Variants in WDR81 observed in about 807,000 individuals in gnomAD.
WDR81 encodes WD repeat-containing protein 81.
Under a neutral mutation model 140.8 loss-of-function variants are expected in WDR81, and 92 were observed. That is an observed-to-expected ratio of 0.65 (90% confidence interval 0.55 to 0.78). WDR81 has a LOEUF of 0.78. WDR81 is among the 30% of genes least tolerant of loss of function. The pLI is 0.00. For synonymous variants in WDR81, 1,183 were observed against 1,156.4 expected, an observed-to-expected ratio of 1.02 and a Z score of -0.47; for missense variants, 2,502 against 2,636.4, an observed-to-expected ratio of 0.95 and a Z score of 1.12.
chr17:1,734,107 C>T lies in WDR81; in HGVS notation c.5070C>T (p.Arg1690=), dbSNP rs1597302695. ...ACGGGACCAGCGAGACGGCCCCACGCCTCGTCTACACCCAGCACCGCAAGA... is the reference window on the plus strand; with the variant it reads ...ACGGGACCAGCGAGACGGCCCCACGTCTCGTCTACACCCAGCACCGCAAGA... ...YGDGTSETAP[R]LVYTQHRKSV... The change falls in exon 7 of 10, where the codon CGC becomes CGT. Residue 1690 remains arginine (R), a synonymous_variant. Transcript: ENST00000409644. 2 of 1,596,494 alleles carry T rather than the reference C, an allele frequency of 1.3e-6. No individual in the cohort carries two copies. Among genetic ancestry groups the T allele is most frequent in the African/African-American group, 1.3e-5 (1 of 74,412 alleles).
chr17:1,737,865 C>T lies in WDR81; in HGVS notation c.*180C>T. On this transcript the variant is annotated 3_prime_UTR_variant, in exon 10 of 10. Coordinates refer to ENST00000409644, the MANE Select transcript of WDR81 (RefSeq NM_001163809.2). The stretch of plus-strand genomic sequence containing the variant: ...TGGGGGAGTCCTGGCCCCTGAATCA[C>T]CAGAGCCACCAAGCCTGCCAGAGGG... 1.3e-6 allele frequency: 1 copy of T among 755,398 alleles called. No homozygotes were observed. Among genetic ancestry groups the T allele is most frequent in the Non-Finnish European group, 2.1e-6 (1 of 479,986 alleles). The allele number at this position is 755,398 out of a possible 1,614,324, so 46.8% of individuals were successfully genotyped here.
In WDR81 at chr17:1,733,862, A is replaced by G. The variant is rs762154343; in HGVS notation, c.4825A>G (p.Ser1609Gly). Residue 1609 changes from serine to glycine, a missense_variant, in exon 7 of 10, where the codon AGC (serine) becomes GGC (glycine). Physicochemically the swap from Ser to Gly is moderately conservative, Grantham distance 56. Around this residue, in one of 3 missense-constraint regions of WDR81, gnomAD observed 1,737 missense variants for 1,843.0 expected, o/e 0.94. Coordinates refer to ENST00000409644, the MANE Select transcript of WDR81 (RefSeq NM_001163809.2). ...CGCCCTGAAGCAGGAGCTGCCGCGG[A>G]GCGTGCACGGGCTGAGCGGAAACTG... ...DNALKQELPR[S>G]VHGLSGNWLA... 6.2e-7 allele frequency: 1 copy of G among 1,612,736 alleles called. No homozygotes were observed. The highest frequency in any genetic ancestry group is 1.6e-4 in the Middle Eastern group (1 of 6,062).
At chr17:1,718,252 GGATTACA>G (rs1914693164) in intron 1 of WDR81, among the ~76,000 whole-genome samples, 2 of 152,026 alleles carry the variant, frequency 1.3e-5, no homozygotes. Context: ...TGAGTAGCTG[GGATTACA>G]GGCGTGCGCT....
chr17:1,732,281 G>A (rs1904412830), intron 4 of WDR81, 44 bp from the exon 5 acceptor site: 2 of 1,596,350 alleles, frequency 1.3e-6, no homozygotes, highest in Admixed American at 3.5e-5. Flanking sequence ...TTCTGGTCAA[G>A]TCCTGCAGAA....
Position 1,732,744 on chromosome 17 carries a change from G to T in WDR81, c.4402G>T (p.Val1468Leu), listed in dbSNP as rs369726076. Residue 1468 changes from valine to leucine, a missense_variant, in exon 6 of 10, where the codon GTG (valine) becomes TTG (leucine). Val to Leu is a conservative substitution (Grantham distance 32). Coordinates refer to ENST00000409644, the MANE Select transcript of WDR81 (RefSeq NM_001163809.2). ...CTTCTCTGATGGGCAGCAGCGGCCC[G>T]TGGACCCCGCCCTGCTGGACGAGCT... ...VVFSDGQQRPVDPALLDELQK... is the reference protein window; with the variant it reads ...VVFSDGQQRPLDPALLDELQK... The T allele has an allele frequency of 1.2e-6, 2 of 1,612,916 alleles. No homozygotes were observed. Among genetic ancestry groups the T allele is most frequent in the Non-Finnish European group, 1.7e-6 (2 of 1,179,962 alleles).
At chr17:1,717,003 C>A in intron 1 of WDR81, 1 of 360,264 alleles carries the variant, frequency 2.8e-6, no homozygotes. Flanking sequence ...CAAGAGGTAG[C>A]TTTCTAACAA....
intron 1 of WDR81, among the ~76,000 whole-genome samples, chr17:1,728,907 C>T (rs571950537): frequency 6.6e-6 from 1 of 151,896 alleles, no homozygotes; most frequent in African/African-American, 2.4e-5. Flanking sequence ...GAGCCGAGAT[C>T]GCACCACTGC....
intron 1 of WDR81, among the ~76,000 whole-genome samples, chr17:1,718,807 C>G (rs1914720665): frequency 1.3e-5 from 2 of 152,236 alleles, no homozygotes; most frequent in African/African-American, 2.4e-5. Context: ...CTTTCCCACT[C>G]ACGGCCCTTG....
chr17:1,726,068 C>A lies in WDR81; in HGVS notation c.1109C>A (p.Ala370Glu). 6.5e-7 allele frequency: 1 copy of A among 1,547,664 alleles called. No individual in the cohort carries two copies. The highest frequency in any genetic ancestry group is 8.7e-7 in the Non-Finnish European group (1 of 1,145,012). The change falls in exon 1 of 10, where the codon GCA becomes GAA. Residue 370 changes from alanine to glutamate, a missense_variant. Transcript: ENST00000409644. ...TACCTCATGCAGCTGAATCGGTTGG[C>A]AGGTCGGCGGCAGGGGGACCCCAAC... ...FHYLMQLNRL[A>E]GRRQGDPNYH...
intron 1 of WDR81, among the ~76,000 whole-genome samples, chr17:1,718,226 TCCTCCTTCAG>T (rs1019105758): frequency 6.6e-5 from 10 of 152,078 alleles, no homozygotes; most frequent in African/African-American, 2.4e-4. Context: ...CAAGCGATTC[TCCTCCTTCAG>T]CCTCCTGAGT....
chr17:1,716,923 C>A (rs1914598773), intron 1 of WDR81: 1 of 533,712 alleles, frequency 1.9e-6, no homozygotes, highest in Admixed American at 3.5e-5. Context: ...CCTGGGGGCT[C>A]TTCCTAACCA....
Position 1,726,984 on chromosome 17 carries a change from A to G in WDR81, c.2025A>G (p.Ala675=). The G allele has an allele frequency of 6.4e-7, 1 of 1,550,450 alleles. No individual in the cohort carries two copies. Among genetic ancestry groups the G allele is most frequent in the Non-Finnish European group, 8.7e-7 (1 of 1,146,968 alleles). The stretch of plus-strand genomic sequence containing the variant: ...ATTCCATTTCCCTTGCTGGGAAAGC[A>G]GGTGACCAGCTGGGCTCCTCCAGTC... The part of the protein sequence containing the change: ...ALDSISLAGK[A]GDQLGSSSQA... Residue 675 remains alanine, a synonymous_variant, in exon 1 of 10, where the codon GCA becomes GCG. Transcript: ENST00000409644.
chr17:1,734,143 C>A lies in WDR81; in HGVS notation c.5106C>A (p.Phe1702Leu). The A allele has an allele frequency of 1.3e-6, 2 of 1,599,138 alleles. No homozygotes were observed. Among genetic ancestry groups the A allele is most frequent in the Non-Finnish European group, 1.7e-6 (2 of 1,179,672 alleles). Residue 1702 changes from phenylalanine to leucine, a missense_variant, in exon 7 of 10, where the codon TTC becomes TTA. Transcript: ENST00000409644. ...VYTQHRKSVFFVGQLEAPQHV... is the reference protein window; with the variant it reads ...VYTQHRKSVFLVGQLEAPQHV... ...CCCAGCACCGCAAGAGCGTCTTCTT[C>A]GTGGGCCAGCTTGAGGCCCCGCAGC... is the stretch of plus-strand genomic sequence containing the variant.
At position 1,725,292 on chromosome 17, in the gene WDR81, G is replaced by A; in HGVS notation, c.333G>A (p.Arg111=). ...GWTRVEVHGL[R]KRRLSYPLGG... is the part of the protein sequence containing the mutation. The stretch of plus-strand genomic sequence containing the variant: ...CGCGCGTGGAGGTGCATGGGCTGCG[G>A]AAGCGGAGACTGTCCTACCCTCTGG... The change falls in exon 1 of 10, where the codon CGG becomes CGA. Residue 111 remains arginine, a synonymous_variant. Transcript: ENST00000409644. 6.5e-7 allele frequency: 1 copy of A among 1,547,406 alleles called. No individual in the cohort carries two copies. Among genetic ancestry groups the A allele is most frequent in the African/African-American group, 1.4e-5 (1 of 73,192 alleles).
chr17:1,722,699 T>C (rs1247737138), upstream of WDR81, among the ~76,000 whole-genome samples: 1 of 147,578 alleles, frequency 6.8e-6, no homozygotes, highest in African/African-American at 2.5e-5. Flanking sequence ...TTCTTTCTTT[T>C]TTTTTTTTTT....
In WDR81 at chr17:1,725,162, A is replaced by G; in HGVS notation, c.203A>G (p.Asp68Gly). 6.5e-7 allele frequency: 1 copy of G among 1,533,914 alleles called. No individual in the cohort carries two copies. Among genetic ancestry groups the G allele is most frequent in the African/African-American group, 1.4e-5 (1 of 73,042 alleles). Residue 68 changes from aspartate (D) to glycine (G), a missense_variant, in exon 1 of 10, where the codon GAT becomes GGT. Around this residue, in one of 3 missense-constraint regions of WDR81, gnomAD observed 547 missense variants for 513.8 expected, o/e 1.06. Coordinates refer to ENST00000409644, the MANE Select transcript of WDR81 (RefSeq NM_001163809.2). ...GCGCGCTGGCTGGCCAGCCTCCGCG[A>G]TCGCCGGCTGCCCCTGGGACCCTGT... ...VPARWLASLRDRRLPLGPCPR... is the reference protein window; with the variant it reads ...VPARWLASLRGRRLPLGPCPR...
Position 1,726,682 on chromosome 17 carries a change from C to T in WDR81, c.1723C>T (p.Leu575=), listed in dbSNP as rs2151162892. Residue 575 remains leucine, a synonymous_variant, in exon 1 of 10, where the codon CTG becomes TTG. Transcript: ENST00000409644. ...GCACCTGGTGGACGCCCACACTCAC[C>T]TGGCCAGCTACGGGGTGGTGCAGCT... ...CLHLVDAHTH[L]ASYGVVQLFD... The T allele has an allele frequency of 1.3e-6, 2 of 1,549,974 alleles. No individual in the cohort carries two copies. Among genetic ancestry groups the T allele is most frequent in the East Asian group, 2.4e-5 (1 of 40,922 alleles).
chr17:1,727,324 A>C lies in WDR81; in HGVS notation c.2365A>C (p.Thr789Pro). 3 of 1,549,920 alleles carry C rather than the reference A, an allele frequency of 1.9e-6. No homozygotes were observed. The highest frequency in any genetic ancestry group is 2.6e-6 in the Non-Finnish European group (3 of 1,146,972). Reference protein sequence around the residue: ...AEMVFATRVRTLQPDAPLWVR... With the variant: ...AEMVFATRVRPLQPDAPLWVR... Reference sequence around the variant, plus strand: ...GATGGTGTTTGCCACCAGGGTGCGGACGCTGCAGCCCGATGCACCTTTGTG... The same window carrying C: ...GATGGTGTTTGCCACCAGGGTGCGGCCGCTGCAGCCCGATGCACCTTTGTG... The change falls in exon 1 of 10, where the codon ACG (threonine) becomes CCG (proline). Residue 789 changes from threonine (T) to proline (P), a missense_variant. Around this residue, in one of 3 missense-constraint regions of WDR81, gnomAD observed 1,737 missense variants for 1,843.0 expected, o/e 0.94. Coordinates refer to ENST00000409644, the MANE Select transcript of WDR81 (RefSeq NM_001163809.2).
intron 4 of WDR81, among the ~76,000 whole-genome samples, chr17:1,731,941 G>GTA (rs34558475): frequency 0.24 from 32,125 of 132,712 alleles, 3,588 homozygotes; most frequent in South Asian, 0.4. Context: ...AAAAAAAAAA[G>GTA]TATATATATA....
Sources: allele counts gnomAD v4.1 joint callset (sites outside exome capture counted in the v4.1 genomes callset), GRCh38; gene constraint gnomAD v4.1.1; regional missense constraint gnomAD v4.1.1; transcripts MANE v1.5; gene names NCBI Gene and HGNC (gene_info 2026-07-23, HGNC 2026-07-21).